The following EDIL3 variants were observed in gnomAD, a reference collection of about 807,000 sequenced individuals.
EDIL3 encodes EGF like and discoidin domains 3.
A neutral mutation model predicts 67.4 loss-of-function variants in EDIL3; 37 were observed. That is an observed-to-expected ratio of 0.55 (90% CI 0.42 to 0.72). The LOEUF (loss-of-function observed/expected upper bound fraction) is 0.72. Ranked by LOEUF, EDIL3 falls within the 30% of genes least tolerant of loss-of-function variation. The probability of loss-of-function intolerance (pLI) is 0.00; values close to 1 mark genes in which losing one functional copy is unlikely to be tolerated. For missense variants in EDIL3, 527 were observed against 586.3 expected, an observed-to-expected ratio of 0.90 and a Z score of 1.04; for synonymous variants, 195 against 196.3, an observed-to-expected ratio of 0.99 and a Z score of 0.05.
intron 4 of EDIL3, among the ~76,000 whole-genome samples, chr5:84,176,334 C>A (rs1434158918): frequency 3.9e-5 from 3 of 77,362 alleles, no homozygotes; most frequent in African/African-American, 1.5e-4. Context: ...TATTAGGGAG[C>A]CTTTTATCTT....
At chr5:84,143,192 T>G (rs1286685833) in intron 4 of EDIL3, among the ~76,000 whole-genome samples, 1 of 152,132 alleles carries the variant, frequency 6.6e-6, no homozygotes, top group East Asian at 1.9e-4. Flanking sequence ...ACAATCAGAA[T>G]TATCTAGATA....
At chr5:84,152,611 G>A (rs191182565) in intron 4 of EDIL3, among the ~76,000 whole-genome samples, 101 of 152,224 alleles carry the variant, frequency 6.6e-4, no homozygotes, top group Admixed American at 2.4e-3. Flanking sequence ...GTGTAACATC[G>A]TCTGCTTAAT....
intron 9 of EDIL3, among the ~76,000 whole-genome samples, chr5:84,021,209 TC>T (rs2112192103): frequency 6.6e-6 from 1 of 152,116 alleles, no homozygotes; most frequent in Admixed American, 6.6e-5. Flanking sequence ...TTTTTCAATT[TC>T]CATTTTGTTT....
At chr5:84,308,292 C>T (rs1746312955) in intron 1 of EDIL3, among the ~76,000 whole-genome samples, 2 of 152,066 alleles carry the variant, frequency 1.3e-5, no homozygotes, top group South Asian at 4.1e-4. Context: ...TTTGAAAACG[C>T]TGAGTGTGAA....
At chr5:84,068,238 T>G (rs2112243117) in intron 6 of EDIL3, among the ~76,000 whole-genome samples, 1 of 151,584 alleles carries the variant, frequency 6.6e-6, no homozygotes, top group East Asian at 1.9e-4. Context: ...TGACATTTTC[T>G]TTTTTTTTAA....
intron 10 of EDIL3, among the ~76,000 whole-genome samples, chr5:83,950,634 C>T (rs776575953): frequency 2.6e-5 from 4 of 151,802 alleles, no homozygotes; most frequent in Admixed American, 6.6e-5. Flanking sequence ...TTAGGTTCTA[C>T]TCTCTCTATT....
intron 4 of EDIL3, among the ~76,000 whole-genome samples, chr5:84,172,533 T>C (rs760933640): frequency 3.3e-5 from 5 of 151,814 alleles, no homozygotes; most frequent in Non-Finnish European, 7.4e-5. Flanking sequence ...TGAGCCAGGA[T>C]TGCACACCAC....
chr5:84,356,886 TTTC>T lies in EDIL3; in HGVS notation c.67+27419_67+27421del, dbSNP rs1358995181. 2.2e-5 allele frequency among the ~76,000 whole-genome samples: 3 copies of T among 136,512 alleles called. 1 individual carries two copies. The highest frequency in any genetic ancestry group is 8.4e-5 in the African/African-American group (3 of 35,718). The allele number at this position is 136,512 out of a possible 152,430, so 89.6% of individuals were successfully genotyped here. Reference sequence around the variant, plus strand: ...CAGGACCTTGAGAAAACAATCTTTCTTTCTTTTTTTTTTTTTTTTTTTTTTTTT... The same window carrying T: ...CAGGACCTTGAGAAAACAATCTTTCTTTTTTTTTTTTTTTTTTTTTTTTTT... On this transcript the variant is annotated intron_variant, in intron 1 of 10. Coordinates refer to ENST00000296591, the MANE Select transcript of EDIL3 (RefSeq NM_005711.5).
intron 3 of EDIL3, among the ~76,000 whole-genome samples, chr5:84,203,808 A>T (rs549793264): frequency 1.3e-5 from 2 of 152,332 alleles, no homozygotes; most frequent in South Asian, 4.1e-4. Context: ...TTACTATATT[A>T]CTTAAGAGAA....
At chr5:84,116,270 C>G (rs1178553919) in intron 5 of EDIL3, among the ~76,000 whole-genome samples, 1 of 150,480 alleles carries the variant, frequency 6.6e-6, no homozygotes, top group Non-Finnish European at 1.5e-5. Context: ...TGAGCTCTGT[C>G]TAATACTAGC....
Position 84,265,334 on chromosome 5 carries a change from C to T in EDIL3, c.68-11122G>A, listed in dbSNP as rs544061118. ...CAGGATGTTTTAAGTCACCTCATTG[C>T]ATAACATTATAAACTATGTTGCCAA... On this transcript the variant is annotated intron_variant, in intron 1 of 10. Transcript: ENST00000296591. Among the ~76,000 whole-genome samples, 11 of 152,308 alleles carry T rather than the reference C, an allele frequency of 7.2e-5. No individual in the cohort carries two copies. The South Asian group carries it at 2.1e-3, about 29-fold the overall frequency.
intron 5 of EDIL3, among the ~76,000 whole-genome samples, chr5:84,108,040 T>C (rs1157441512): frequency 6.6e-6 from 1 of 151,402 alleles, no homozygotes; most frequent in Non-Finnish European, 1.5e-5. Context: ...TATCAGTATA[T>C]GAAAGTCAAC....
At chr5:84,176,643 G>C (rs1748920780) in intron 4 of EDIL3, among the ~76,000 whole-genome samples, 1 of 151,894 alleles carries the variant, frequency 6.6e-6, no homozygotes. Flanking sequence ...GCAGCTGTCA[G>C]CACAAAACTG....
chr5:84,018,369 T>G lies in EDIL3; in HGVS notation c.1137+41931A>C, dbSNP rs573950100. 4.6e-5 allele frequency among the ~76,000 whole-genome samples: 7 copies of G among 152,304 alleles called. No individual in the cohort carries two copies. In the South Asian group the frequency reaches 1.4e-3, roughly 32 times the overall value. ...CGGTTAAGAAACCTTCCTGATAATT[T>G]AACTCTTGCTTCCCTGAACAGATTC... On this transcript the variant is annotated intron_variant, in intron 9 of 10. Coordinates refer to ENST00000296591, the MANE Select transcript of EDIL3 (RefSeq NM_005711.5).
chr5:83,947,582 C>T (rs183244168), intron 10 of EDIL3, among the ~76,000 whole-genome samples: 21 of 151,926 alleles, frequency 1.4e-4, no homozygotes, highest in African/African-American at 5.1e-4. Context: ...AATCTGAGAT[C>T]TGGAAGAGAA....
intron 1 of EDIL3, among the ~76,000 whole-genome samples, chr5:84,300,933 T>TACACACACACACACACAC (rs5869219): frequency 3.3e-5 from 5 of 149,598 alleles, no homozygotes; most frequent in African/African-American, 1.2e-4. Flanking sequence ...CACAGACACA[T>TACACACACACACACACAC]ACACACACAC....
At chr5:84,231,684 C>G (rs1744582845) in intron 2 of EDIL3, among the ~76,000 whole-genome samples, 2 of 152,166 alleles carry the variant, frequency 1.3e-5, no homozygotes, top group Non-Finnish European at 2.9e-5. Flanking sequence ...AGAGCAAACA[C>G]AGTTGGCATG....
intron 1 of EDIL3, among the ~76,000 whole-genome samples, chr5:84,334,291 T>A (rs900296157): frequency 9.9e-5 from 15 of 152,082 alleles, no homozygotes; most frequent in African/African-American, 3.4e-4. Context: ...CTCAGACTCC[T>A]GACCTCAGGT....
intron 6 of EDIL3, among the ~76,000 whole-genome samples, chr5:84,094,696 T>C (rs1747231007): frequency 6.6e-6 from 1 of 152,158 alleles, no homozygotes; most frequent in African/African-American, 2.4e-5. Flanking sequence ...ACAAAGTTGT[T>C]AAAAAAATCC....
Sources: allele counts gnomAD v4.1 joint callset (sites outside exome capture counted in the v4.1 genomes callset), GRCh38; gene constraint gnomAD v4.1.1; transcripts MANE v1.5; gene names NCBI Gene and HGNC (gene_info 2026-07-23, HGNC 2026-07-21).